The following STAP2 variants were observed in gnomAD, a reference collection of about 807,000 sequenced individuals.
STAP2 encodes the protein signal transducing adaptor family member 2.
STAP2 carries 58 observed loss-of-function variants against 52.7 expected under a neutral mutation model. The ratio of observed to expected loss-of-function variants is 1.10; its 90% CI spans 0.89 to 1.37. STAP2 has a LOEUF of 1.37. Ranked by LOEUF, STAP2 falls within the 40% of genes most tolerant of loss-of-function variation. STAP2 has a pLI of 0.00. For missense variants in STAP2, 522 were observed against 519.4 expected (o/e 1.00, Z -0.05); for synonymous variants, 231 against 210.5 (o/e 1.10, Z -0.84).
intron 4 of STAP2, among the ~76,000 whole-genome samples, 168 bp downstream of exon 4, chr19:4,331,854 C>T (rs1971896210): frequency 6.6e-6 from 1 of 152,056 alleles, no homozygotes; most frequent in African/African-American, 2.4e-5. Context: ...ATGGCGTGAA[C>T]CCGGGAGGCG....
intron 9 of STAP2, among the ~76,000 whole-genome samples, chr19:4,326,151 T>G (rs1971789432): frequency 6.6e-6 from 1 of 152,226 alleles, no homozygotes; most frequent in Non-Finnish European, 1.5e-5. Flanking sequence ...TCTACACGTG[T>G]CCGAGTTTGT....
At chr19:4,337,800 G>A (rs1310775805) in intron 1 of STAP2, among the ~76,000 whole-genome samples, 4 of 152,048 alleles carry the variant, frequency 2.6e-5, no homozygotes, top group Admixed American at 2.0e-4. Flanking sequence ...GCAGTGAGCC[G>A]AGATGGTGCC....
chr19:4,337,148 A>G (rs1252025314), intron 1 of STAP2, among the ~76,000 whole-genome samples: 6 of 151,866 alleles, frequency 4.0e-5, no homozygotes, highest in Non-Finnish European at 5.9e-5. Flanking sequence ...TCACACCTCT[A>G]ATCCCAGCAG....
chr19:4,330,800 C>T (rs1342845581), intron 4 of STAP2, among the ~76,000 whole-genome samples: 2 of 149,748 alleles, frequency 1.3e-5, no homozygotes, highest in East Asian at 2.1e-4. Context: ...CTGCAACCTC[C>T]GACTCCCGGG....
chr19:4,324,118 C>T lies in STAP2; in HGVS notation c.*15G>A, dbSNP rs368466857. On this transcript the variant is annotated 3_prime_UTR_variant, in exon 13 of 13. Transcript: ENST00000594605. Reference sequence around the variant, plus strand: ...ATGCCCTGGGACTAGCCCGCTGGTCCCTGGTGTGTCCGAATCAGTGCTCCA... The same window carrying T: ...ATGCCCTGGGACTAGCCCGCTGGTCTCTGGTGTGTCCGAATCAGTGCTCCA... 2 of 1,551,286 alleles carry T rather than the reference C, an allele frequency of 1.3e-6. No individual in the cohort carries two copies. The highest frequency in any genetic ancestry group is 2.0e-5 in the Admixed American group (1 of 50,992).
Position 4,328,736 on chromosome 19 carries a change from G to A in STAP2, c.529C>T (p.Leu177=), listed in dbSNP as rs778337686. ...TCGGCGCCGTCCCCGCTGGGCCGCA[G>A]CAGCAGGTTCCCGCACTCGGGGTAG... ...ERYPECGNLL[L]RPSGDGADGV... The change falls in exon 6 of 13, where the codon CTG becomes TTG. Residue 177 remains leucine, a synonymous_variant. Transcript: ENST00000594605. 6 of 1,609,624 alleles carry A rather than the reference G, an allele frequency of 3.7e-6. No individual in the cohort carries two copies. The highest frequency in any genetic ancestry group is 3.4e-6 in the Non-Finnish European group (4 of 1,178,682).
intron 11 of STAP2, chr19:4,324,803 A>G (rs1281763541): frequency 1.5e-5 from 7 of 457,138 alleles, no homozygotes; most frequent in African/African-American, 6.0e-5. Flanking sequence ...CTGCCTGGGC[A>G]ACAGAGTGAG....
At chr19:4,335,565 G>C (rs988799343) in intron 1 of STAP2, among the ~76,000 whole-genome samples, 1 of 152,072 alleles carries the variant, frequency 6.6e-6, no homozygotes, top group Non-Finnish European at 1.5e-5. Flanking sequence ...CTGTCCATCC[G>C]TAGACACAAG....
chr19:4,326,148 G>A (rs188586943), intron 9 of STAP2, among the ~76,000 whole-genome samples: 7 of 152,342 alleles, frequency 4.6e-5, no homozygotes, highest in Non-Finnish European at 1.0e-4. Context: ...GTATCTACAC[G>A]TGTCCGAGTT....
chr19:4,330,816 G>T (rs1315168741), intron 4 of STAP2, among the ~76,000 whole-genome samples: 3 of 147,554 alleles, frequency 2.0e-5, no homozygotes, highest in Non-Finnish European at 4.5e-5. Flanking sequence ...CCGGGTTCAA[G>T]CCATTCTCCT....
rs1362033716 is a variant in STAP2, at chr19:4,327,492, A to G, written c.591-107T>C. ...CTCCGCCTCCAATAGAAACAGGTCC[A>G]TACTGGCTCCGCCCCCACAGAAGGC... On this transcript the variant is annotated intron_variant, in intron 6 of 12. Coordinates refer to ENST00000594605, the MANE Select transcript of STAP2 (RefSeq NM_001013841.2). 5.7e-6 allele frequency: 7 copies of G among 1,233,206 alleles called. No homozygotes were observed. The African/African-American group carries it at 6.1e-5, about 11-fold the overall frequency. The allele number at this position is 1,233,206 out of a possible 1,614,324, so 76.4% of individuals were successfully genotyped here.
intron 11 of STAP2, chr19:4,324,824 A>C: frequency 2.3e-6 from 1 of 429,824 alleles, no homozygotes; most frequent in South Asian, 2.7e-5. Context: ...ACTCCATCTC[A>C]AAACAAAAAA....
intron 3 of STAP2, 97 bp from the exon 4 acceptor site, chr19:4,332,175 GTTTTCTTTTTTCTTTTTCTTCTTTTTTT>G (rs1971902597): frequency 3.9e-6 from 3 of 760,692 alleles, no homozygotes; most frequent in Non-Finnish European, 5.8e-6. Context: ...TCAAAGGGCC[GTTTTCTTTTTTCTTTTTCTTCTTTTTTT>G]TTTTTTTTTT....
In STAP2 at chr19:4,325,545, C is replaced by T. The variant is rs1971777681; in HGVS notation, c.830G>A (p.Gly277Asp). The part of the protein sequence containing the change: ...VWVAPSAPGP[G>D]PAPCTGGPKP... ...GGGGCCACCTGTGCAGGGTGCAGGA[C>T]CTGATGGGGAAACGTGGTCACTGTC... Residue 277 changes from glycine to aspartate, a missense_variant and splice_region_variant, in exon 10 of 13, where the codon GGT becomes GAT. Physicochemically the swap from Gly to Asp is moderately conservative, Grantham distance 94 (BLOSUM62 -1). Coordinates refer to ENST00000594605, the MANE Select transcript of STAP2 (RefSeq NM_001013841.2). 1.3e-6 allele frequency: 2 copies of T among 1,576,222 alleles called. No homozygotes were observed. Among genetic ancestry groups the T allele is most frequent in the Non-Finnish European group, 8.6e-7 (1 of 1,163,264 alleles).
At chr19:4,338,176 A>G (rs57631352) in intron 1 of STAP2, 48,871 of 157,466 alleles carry the variant, frequency 0.31, 7,872 homozygotes, top group East Asian at 0.54. Context: ...GTCCTGTGGA[A>G]TGTGGCCCCC....
At chr19:4,338,021 CAAAA>C (rs1173937827) in intron 1 of STAP2, among the ~76,000 whole-genome samples, 1 of 151,944 alleles carries the variant, frequency 6.6e-6, no homozygotes, top group Non-Finnish European at 1.5e-5. Context: ...CTGTCTCTAA[CAAAA>C]AGAAAGAAAG....
At chr19:4,335,002 TCATCAATCCATCCACC>T (rs1274422464) in intron 1 of STAP2, among the ~76,000 whole-genome samples, 24 of 96,832 alleles carry the variant, frequency 2.5e-4, no homozygotes, top group African/African-American at 9.8e-4. Flanking sequence ...ATCCACCCAC[TCATCAATCCATCCACC>T]CATCCATCCA....
At chr19:4,330,159 G>T in intron 4 of STAP2, 98 bp from the exon 5 acceptor site, 1 of 887,148 alleles carries the variant, frequency 1.1e-6, no homozygotes, top group Non-Finnish European at 1.9e-6. Context: ...AGAGCTCAGA[G>T]CAATGAACTC....
intron 4 of STAP2, among the ~76,000 whole-genome samples, chr19:4,330,356 A>G (rs1288764069): frequency 6.6e-6 from 1 of 151,714 alleles, no homozygotes; most frequent in East Asian, 1.9e-4. Context: ...CCCCGTTTGT[A>G]CTAAAAATAC....
Sources: allele counts gnomAD v4.1 joint callset (sites outside exome capture counted in the v4.1 genomes callset), GRCh38; gene constraint gnomAD v4.1.1; transcripts MANE v1.5; gene names NCBI Gene and HGNC (gene_info 2026-07-23, HGNC 2026-07-21).